PCDH15: variants seen among roughly 807,000 people sequenced by gnomAD.
PCDH15 encodes the protein protocadherin-15.
A neutral mutation model predicts 178.5 loss-of-function variants in PCDH15; 129 were observed. The ratio of observed to expected loss-of-function variants is 0.72; its 90% CI spans 0.63 to 0.84. PCDH15 has a LOEUF of 0.84. Among genes scored for constraint, PCDH15 ranks in the 40% least tolerant of loss-of-function variants. The probability of loss-of-function intolerance (pLI) is 0.00; values close to 1 mark genes in which losing one functional copy is unlikely to be tolerated. For missense variants in PCDH15, 2,230 were observed against 2,099.9 expected (o/e 1.06, Z -1.21); for synonymous variants, 800 against 732.0 (o/e 1.09, Z -1.50).
Position 55,020,928 on chromosome 10 carries a change from C to T in PCDH15, c.-79-123428G>A, listed in dbSNP as rs116165068. On this transcript the variant is annotated intron_variant, in intron 2 of 5. Transcript: ENST00000458638. ...TTGCCCTATTATCTATCTTATCTTA[C>T]GCAAAAATGCAGATTCACAGAGCCA... 6.2e-3 allele frequency among the ~76,000 whole-genome samples: 950 copies of T among 152,236 alleles called. 11 individuals are homozygous for T. Among genetic ancestry groups the T allele is most frequent in the African/African-American group, 0.022 (902 of 41,552 alleles).
chr10:54,206,264 G>T (rs539117837), intron 10 of PCDH15, among the ~76,000 whole-genome samples: 13 of 152,136 alleles, frequency 8.5e-5, no homozygotes, highest in Admixed American at 3.9e-4. Context: ...ATGATTTAAA[G>T]AAAAAATAAC....
chr10:54,332,037 GA>G, intron 6 of PCDH15, among the ~76,000 whole-genome samples: 1 of 150,846 alleles, frequency 6.6e-6, no homozygotes, highest in Non-Finnish European at 1.5e-5. Context: ...GCCATTTGGG[GA>G]CTATTGATAA....
chr10:55,546,522 T>C (rs1413666), intron 2 of PCDH15, among the ~76,000 whole-genome samples: 113,376 of 151,990 alleles, frequency 0.75, 43,189 homozygotes, highest in East Asian at 0.99. Flanking sequence ...AGGGGGCAAA[T>C]GTAAATTCAA....
intron 2 of PCDH15, among the ~76,000 whole-genome samples, chr10:55,490,770 G>T (rs1410240699): frequency 2.0e-5 from 3 of 151,586 alleles, no homozygotes; most frequent in African/African-American, 7.3e-5. Flanking sequence ...TTAATAGAAA[G>T]CATAACACAA....
At chr10:54,320,553 A>C (rs2061533224) in intron 7 of PCDH15, among the ~76,000 whole-genome samples, 1 of 146,782 alleles carries the variant, frequency 6.8e-6, no homozygotes, top group Non-Finnish European at 1.5e-5. Context: ...AAAAATATTA[A>C]TTTAAAATAA....
At chr10:54,751,872 CT>C (rs1377733873) in intron 1 of PCDH15, among the ~76,000 whole-genome samples, 2 of 152,090 alleles carry the variant, frequency 1.3e-5, no homozygotes, top group East Asian at 3.9e-4. Flanking sequence ...GACTAAAAGG[CT>C]TTCCCAATAT....
intron 1 of PCDH15, among the ~76,000 whole-genome samples, chr10:54,700,751 G>A (rs1310107585): frequency 6.6e-6 from 1 of 152,124 alleles, no homozygotes; most frequent in East Asian, 1.9e-4. Flanking sequence ...CATCCCTATA[G>A]GAGAAAGAGT....
At chr10:55,589,626 A>G (rs1842798520) in intron 2 of PCDH15, among the ~76,000 whole-genome samples, 1 of 152,206 alleles carries the variant, frequency 6.6e-6, no homozygotes, top group Non-Finnish European at 1.5e-5. Context: ...AGAAAAAACA[A>G]ACAACCCCAT....
chr10:54,690,619 C>A (rs1379107109), intron 1 of PCDH15, among the ~76,000 whole-genome samples: 1 of 151,994 alleles, frequency 6.6e-6, no homozygotes, highest in African/African-American at 2.4e-5. Context: ...AGCCACAAGA[C>A]TATATTTTTT....
At chr10:54,900,961 A>T (rs929036586) in intron 2 of PCDH15, among the ~76,000 whole-genome samples, 1 of 152,174 alleles carries the variant, frequency 6.6e-6, no homozygotes, top group African/African-American at 2.4e-5. Flanking sequence ...AGATTTTCAC[A>T]TTTAGGGTAT....
intron 32 of PCDH15, chr10:53,821,187 A>G (rs1262423267): frequency 3.1e-6 from 3 of 973,564 alleles, no homozygotes; most frequent in Non-Finnish European, 3.7e-6. Flanking sequence ...CTGAAAAAGT[A>G]TAAGATTTAT....
intron 2 of PCDH15, among the ~76,000 whole-genome samples, chr10:54,650,727 G>A (rs1804601798): frequency 6.6e-6 from 1 of 152,048 alleles, no homozygotes. Flanking sequence ...GCAGACAAGG[G>A]AGAGAATGAC....
chr10:55,081,140 T>C (rs895522226), intron 2 of PCDH15, among the ~76,000 whole-genome samples: 40 of 152,138 alleles, frequency 2.6e-4, no homozygotes, highest in Non-Finnish European at 2.9e-5. Flanking sequence ...GGGGATCCCC[T>C]TCAGGCTCCC....
intron 1 of PCDH15, among the ~76,000 whole-genome samples, chr10:54,689,466 T>C (rs925270200): frequency 2.0e-4 from 31 of 152,118 alleles, no homozygotes; most frequent in African/African-American, 7.2e-4. Context: ...AAATTCTTGA[T>C]CAACACTTAC....
intron 1 of PCDH15, among the ~76,000 whole-genome samples, chr10:55,231,963 T>C (rs953065059): frequency 6.6e-6 from 1 of 152,050 alleles, no homozygotes; most frequent in Non-Finnish European, 1.5e-5. Context: ...GGACAATATA[T>C]TTAATTCTGT....
chr10:54,177,386 G>A (rs1339497334), intron 13 of PCDH15, among the ~76,000 whole-genome samples: 5 of 152,084 alleles, frequency 3.3e-5, no homozygotes, highest in Non-Finnish European at 5.9e-5. Context: ...ACCATAAAAT[G>A]AAGCACCGAG....
chr10:54,169,667 T>C (rs2046663713), intron 13 of PCDH15, among the ~76,000 whole-genome samples: 1 of 151,256 alleles, frequency 6.6e-6, no homozygotes, highest in African/African-American at 2.4e-5. Context: ...ATACCTCTAC[T>C]CCCTCCTTGG....
intron 2 of PCDH15, among the ~76,000 whole-genome samples, chr10:55,075,371 T>TC (rs1564774820): frequency 6.7e-6 from 1 of 149,796 alleles, no homozygotes. Context: ...TTTAAATTTT[T>TC]TTTTTTTTTT....
intron 2 of PCDH15, among the ~76,000 whole-genome samples, chr10:55,585,213 G>A (rs1589156840): frequency 6.6e-6 from 1 of 151,912 alleles, no homozygotes; most frequent in Non-Finnish European, 1.5e-5. Flanking sequence ...ACTCTTCCTG[G>A]GGGTAAAAAA....
Sources: gnomAD v4.1 joint callset for allele counts (sites outside exome capture counted in the v4.1 genomes callset) on GRCh38, gnomAD v4.1.1 for gene constraint, MANE v1.5 for transcripts, NCBI Gene and HGNC (gene_info 2026-07-23, HGNC 2026-07-21) for gene names.